Variants in CCDC169 observed in about 807,000 individuals in gnomAD.
The protein encoded by CCDC169 is coiled-coil domain containing 169.
In CCDC169, 30 loss-of-function variants were observed where a neutral mutation model predicts 36.0. That is an observed-to-expected ratio of 0.83 (90% CI 0.62 to 1.13). The LOEUF is 1.13. Ranked by LOEUF, CCDC169 falls within the 50% of genes most tolerant of loss-of-function variation. The pLI, the probability that CCDC169 is intolerant of heterozygous loss-of-function variation, is 0.00. For synonymous variants in CCDC169, 85 were observed against 81.5 expected (o/e 1.04, Z -0.23); for missense variants, 245 against 245.9 (o/e 1.00, Z 0.03).
chr13:36,241,540 G>T (rs1871817479), intron 7 of CCDC169, among the ~76,000 whole-genome samples: 1 of 146,404 alleles, frequency 6.8e-6, no homozygotes, highest in African/African-American at 2.6e-5. Context: ...TCAATACTGA[G>T]AATTATCCAT....
chr13:36,249,356 T>C (rs540713179), intron 6 of CCDC169, among the ~76,000 whole-genome samples: 18 of 152,102 alleles, frequency 1.2e-4, no homozygotes, highest in Non-Finnish European at 2.6e-4. Flanking sequence ...ACTACTATCA[T>C]AGAAGTCAAG....
At chr13:36,272,553 AT>A (rs1876243825) in intron 4 of CCDC169, among the ~76,000 whole-genome samples, 1 of 151,624 alleles carries the variant, frequency 6.6e-6, no homozygotes, top group Non-Finnish European at 1.5e-5. Context: ...TTTTTCTCTC[AT>A]TTTTTCTTCC....
downstream of CCDC169, chr13:36,222,243 C>A (rs532487944): frequency 6.6e-6 from 1 of 152,188 alleles, no homozygotes; most frequent in Non-Finnish European, 1.5e-5. Context: ...CAGGCACAGA[C>A]CTCAGAGCAG....
chr13:36,285,603 A>ATAGATAGATAGATAGACAGC (rs1878112411), intron 2 of CCDC169, among the ~76,000 whole-genome samples: 1 of 148,146 alleles, frequency 6.8e-6, no homozygotes, highest in Non-Finnish European at 1.5e-5. Context: ...AGATAGATAG[A>ATAGATAGATAGATAGACAGC]TAGATAGATA....
At chr13:36,236,614 T>C (rs751725042) in intron 7 of CCDC169, among the ~76,000 whole-genome samples, 3 of 152,082 alleles carry the variant, frequency 2.0e-5, no homozygotes, top group African/African-American at 4.8e-5. Flanking sequence ...AAGTAGATGA[T>C]GGTCTTTATC....
At chr13:36,286,924 CCT>C (rs910653009) in intron 2 of CCDC169, among the ~76,000 whole-genome samples, 2 of 152,182 alleles carry the variant, frequency 1.3e-5, no homozygotes, top group African/African-American at 4.8e-5. Flanking sequence ...CCTCCTTTCT[CCT>C]CTCCACTCCT....
chr13:36,261,597 G>T (rs952229161), intron 4 of CCDC169, among the ~76,000 whole-genome samples: 2 of 152,148 alleles, frequency 1.3e-5, no homozygotes, highest in African/African-American at 4.8e-5. Context: ...TTTCAGGTGG[G>T]ACTGGCTGGA....
rs1870353067 is a variant in CCDC169, at chr13:36,230,980, T to C, written c.*213A>G. ...CAGATTCCCTAGGATATTTTAAAAC[T>C]CTCAAGCACTTCTATTACATAGTTT... On this transcript the variant is annotated 3_prime_UTR_variant, in exon 8 of 8. Coordinates refer to ENST00000239859, the MANE Select transcript of CCDC169 (RefSeq NM_001144981.3). 2 of 1,291,162 alleles carry C rather than the reference T, an allele frequency of 1.5e-6. No individual in the cohort carries two copies. Among genetic ancestry groups the C allele is most frequent in the African/African-American group, 3.0e-5 (2 of 65,682 alleles). 80.0% of individuals were successfully genotyped at this position (1,291,162 alleles called of 1,614,324 possible). A position where few individuals can be genotyped will look rare whatever the true frequency, so the allele number is the denominator to read the frequency against.
intron 4 of CCDC169, among the ~76,000 whole-genome samples, chr13:36,265,935 A>G (rs938578607): frequency 4.6e-5 from 7 of 152,148 alleles, no homozygotes; most frequent in Non-Finnish European, 8.8e-5. Context: ...CCTGTGCTCA[A>G]TCATCCTTGA....
At position 36,254,062 on chromosome 13, in the gene CCDC169, G is replaced by A. The variant is rs1873512514; in HGVS notation, c.397C>T (p.Leu133=). 6.5e-7 allele frequency: 1 copy of A among 1,544,778 alleles called. No individual in the cohort carries two copies. The highest frequency in any genetic ancestry group is 1.2e-5 in the South Asian group (1 of 82,302). ...ESQVKYYALK[L]EQESKAYQKI... The stretch of plus-strand genomic sequence containing the variant: ...AAACAAACCTTTGATTCTTGTTCCA[G>A]TTTAAGTGCATAGTATTTCACTTGA... The change falls in exon 5 of 8, where the codon CTG becomes TTG. Residue 133 remains leucine (L), a synonymous_variant. Transcript: ENST00000239859.
Position 36,295,798 on chromosome 13 carries a change from T to G in CCDC169, c.143A>C (p.Lys48Thr). 1.3e-6 allele frequency: 2 copies of G among 1,535,986 alleles called. No individual in the cohort carries two copies. The highest frequency in any genetic ancestry group is 1.8e-6 in the Non-Finnish European group (2 of 1,133,956). ...TATACCTTCATTGTCAGTATTGAGT[T>G]TGGCTTCCAGTTCCGTAATCTTGTG... ...LRHKITELEA[K>T]LNTDNEGSEW... The change falls in exon 2 of 8, where the codon AAA (lysine) becomes ACA (threonine). Residue 48 changes from lysine (K) to threonine (T), a missense_variant. Physicochemically the swap from Lys to Thr is moderately conservative, Grantham distance 78. Coordinates refer to ENST00000239859, the MANE Select transcript of CCDC169 (RefSeq NM_001144981.3).
downstream of CCDC169, among the ~76,000 whole-genome samples, chr13:36,229,217 C>T (rs918436444): frequency 6.6e-6 from 1 of 152,100 alleles, no homozygotes; most frequent in African/African-American, 2.4e-5. Context: ...AAGTTATTTA[C>T]CAAAGTCAGA....
intron 4 of CCDC169, among the ~76,000 whole-genome samples, chr13:36,271,430 C>A (rs567754242): frequency 7.2e-5 from 11 of 152,088 alleles, no homozygotes; most frequent in African/African-American, 2.4e-4. Context: ...AAAAAGAAGT[C>A]ATTATACAAA....
intron 4 of CCDC169, among the ~76,000 whole-genome samples, chr13:36,271,673 C>T (rs193266012): frequency 5.5e-4 from 83 of 152,142 alleles, no homozygotes; most frequent in Admixed American, 4.3e-3. Flanking sequence ...AACCAAACAC[C>T]GTATGTTCTG....
chr13:36,230,152 T>C (rs1870261982), downstream of CCDC169, among the ~76,000 whole-genome samples: 1 of 152,230 alleles, frequency 6.6e-6, no homozygotes, highest in South Asian at 2.1e-4. Context: ...TGGTATTCAT[T>C]ACTGGTGATA....
intron 4 of CCDC169, among the ~76,000 whole-genome samples, chr13:36,254,701 C>T (rs7327186): frequency 0.4 from 61,135 of 151,502 alleles, 13,023 homozygotes; most frequent in Non-Finnish European, 0.48. Context: ...AAAACGGTAT[C>T]GTACAAACCT....
At chr13:36,259,314 C>A (rs1404987665) in intron 4 of CCDC169, among the ~76,000 whole-genome samples, 1 of 152,150 alleles carries the variant, frequency 6.6e-6, no homozygotes, top group Non-Finnish European at 1.5e-5. Flanking sequence ...CCCCAGGAAG[C>A]GCTTCTTGGT....
intron 2 of CCDC169, among the ~76,000 whole-genome samples, chr13:36,288,424 T>C (rs9531717): frequency 0.16 from 24,204 of 152,254 alleles, 2,264 homozygotes; most frequent in Non-Finnish European, 0.21. Flanking sequence ...ATGAGATAAA[T>C]GCTTGTAAGT....
intron 2 of CCDC169, among the ~76,000 whole-genome samples, chr13:36,288,269 C>A (rs1016783128): frequency 6.6e-6 from 1 of 152,174 alleles, no homozygotes; most frequent in African/African-American, 2.4e-5. Flanking sequence ...CCGCCGCAGC[C>A]TCCCAAAGTG....
Sources: gnomAD v4.1 joint callset for allele counts (sites outside exome capture counted in the v4.1 genomes callset) on GRCh38, gnomAD v4.1.1 for gene constraint, MANE v1.5 for transcripts, NCBI Gene and HGNC (gene_info 2026-07-23, HGNC 2026-07-21) for gene names.